LIPC: variants seen among roughly 807,000 people sequenced by gnomAD.
LIPC encodes hepatic triacylglycerol lipase.
Under a neutral mutation model 50.7 loss-of-function variants are expected in LIPC, and 44 were observed. The observed-to-expected ratio is 0.87, with a 90% CI of 0.68 to 1.11. LIPC has a LOEUF of 1.11. Among genes scored for constraint, LIPC ranks in the 50% most tolerant of loss-of-function variants. The pLI, the probability that LIPC is intolerant of heterozygous loss-of-function variation, is 0.00. For synonymous variants in LIPC, 271 were observed against 256.4 expected, an observed-to-expected ratio of 1.06 and a Z score of -0.54; for missense variants, 697 against 648.2, an observed-to-expected ratio of 1.08 and a Z score of -0.82.
chr15:58,511,641 T>TTG lies in LIPC; in HGVS notation c.89-26691_89-26690dup, dbSNP rs563096698. Among the ~76,000 whole-genome samples, 27 of 152,324 alleles carry TTG rather than the reference T, an allele frequency of 1.8e-4. No individual in the cohort carries two copies. The South Asian group carries it at 5.4e-3, about 30-fold the overall frequency. On this transcript the variant is annotated intron_variant, in intron 1 of 8. Transcript: ENST00000299022. ...TGGCGCTGACAACTGGCAATAGGTA[T>TTG]TGAGAGTCTTTTTAAAAGTTGATGT...
chr15:58,479,497 G>C (rs570847283), intron 1 of LIPC, among the ~76,000 whole-genome samples: 1 of 152,294 alleles, frequency 6.6e-6, no homozygotes, highest in East Asian at 1.9e-4. Context: ...TTGGGTCTCT[G>C]CCTGGTCCGC....
chr15:58,559,713 A>T (rs1595954473), intron 6 of LIPC, among the ~76,000 whole-genome samples: 1 of 151,866 alleles, frequency 6.6e-6, no homozygotes, highest in Non-Finnish European at 1.5e-5. Flanking sequence ...AAAAAAAAAA[A>T]AAAAAAAAAA....
Position 58,541,983 on chromosome 15 carries a change from A to T in LIPC, c.456+16A>T, listed in dbSNP as rs752031373. On this transcript the variant is annotated intron_variant, in intron 3 of 8. Transcript: ENST00000299022. ...GTGGCTGGAGGTACCGACCTGCCCC[A>T]TCCTTCCTTCACCTCCCTTCCCTCC... 1.2e-6 allele frequency: 2 copies of T among 1,601,126 alleles called. No homozygotes were observed. The highest frequency in any genetic ancestry group is 2.2e-5 in the South Asian group (2 of 89,036).
At chr15:58,433,290 C>T (rs1383310912) in intron 1 of LIPC, among the ~76,000 whole-genome samples, 1 of 152,170 alleles carries the variant, frequency 6.6e-6, no homozygotes, top group Non-Finnish European at 1.5e-5. Flanking sequence ...TGTTTGTTTA[C>T]TTTTTAATGA....
rs569036240 is a variant in LIPC, at chr15:58,469,170, T to C, written c.88+37050T>C. Among the ~76,000 whole-genome samples the C allele has an allele frequency of 7.8e-4, 119 of 151,874 alleles. 1 individual carries two copies. The South Asian group carries it at 0.023, about 29-fold the overall frequency. ...CGCCTTAAGAGACTGGATCTCACTCTGTTGCCCAGGCTGGAGTGCAGTGGC... is the reference window on the plus strand; with the variant it reads ...CGCCTTAAGAGACTGGATCTCACTCCGTTGCCCAGGCTGGAGTGCAGTGGC... On this transcript the variant is annotated intron_variant, in intron 1 of 8. Coordinates refer to ENST00000299022, the MANE Select transcript of LIPC (RefSeq NM_000236.3).
intron 1 of LIPC, among the ~76,000 whole-genome samples, chr15:58,446,460 C>T (rs1374014153): frequency 1.3e-5 from 2 of 152,192 alleles, no homozygotes; most frequent in Non-Finnish European, 2.9e-5. Context: ...TCCCAGTTGT[C>T]CCAAGATAGT....
intron 6 of LIPC, among the ~76,000 whole-genome samples, chr15:58,556,319 T>A (rs1376672987): frequency 6.6e-6 from 1 of 152,096 alleles, no homozygotes; most frequent in African/African-American, 2.4e-5. Context: ...CGAGATGGCC[T>A]TTGGGGAGAT....
chr15:58,436,911 A>G, intron 1 of LIPC: 1 of 453,258 alleles, frequency 2.2e-6, no homozygotes, highest in Non-Finnish European at 4.4e-6. Context: ...AAAAAAGACC[A>G]TCTAGGAAGA....
At chr15:58,552,161 G>T (rs536418334) in intron 6 of LIPC, among the ~76,000 whole-genome samples, 4 of 152,318 alleles carry the variant, frequency 2.6e-5, no homozygotes, top group African/African-American at 9.6e-5. Flanking sequence ...TGAGGTAACC[G>T]GGTGGAGAGG....
In LIPC at chr15:58,563,462, T is replaced by A; in HGVS notation, c.1170-43T>A. On this transcript the variant is annotated intron_variant, in intron 7 of 8. Coordinates refer to ENST00000299022, the MANE Select transcript of LIPC (RefSeq NM_000236.3). ...ATGTGTGTGACCGTCACTTTGCTGT[T>A]ACGACTAAACTGATTGTGTCTGATT... The A allele has an allele frequency of 2.0e-6, 3 of 1,515,804 alleles. No individual in the cohort carries two copies. The South Asian group carries it at 3.4e-5, about 17-fold the overall frequency. The allele number at this position is 1,515,804 out of a possible 1,614,324, so 93.9% of individuals were successfully genotyped here. A position where few individuals can be genotyped will look rare whatever the true frequency, so the allele number is the denominator to read the frequency against.
At chr15:58,565,077 A>T in intron 8 of LIPC, 1 of 923,312 alleles carries the variant, frequency 1.1e-6, no homozygotes, top group Non-Finnish European at 1.7e-6. Context: ...TGGCAGATGT[A>T]TGCCCCTGAG....
intron 1 of LIPC, among the ~76,000 whole-genome samples, chr15:58,478,760 C>T (rs1233165690): frequency 6.6e-6 from 1 of 152,198 alleles, no homozygotes; most frequent in African/African-American, 2.4e-5. Flanking sequence ...GTAACATTTA[C>T]AGAACTATAG....
intron 1 of LIPC, among the ~76,000 whole-genome samples, chr15:58,498,208 T>A (rs1334793650): frequency 6.6e-6 from 1 of 152,052 alleles, no homozygotes; most frequent in Non-Finnish European, 1.5e-5. Context: ...AAGCCAATAG[T>A]CTCCCCTATC....
At chr15:58,471,899 C>T (rs945546221) in intron 1 of LIPC, among the ~76,000 whole-genome samples, 2 of 152,152 alleles carry the variant, frequency 1.3e-5, no homozygotes, top group African/African-American at 4.8e-5. Context: ...GTGAAGCTCC[C>T]TGAGGGCAGG....
intron 6 of LIPC, among the ~76,000 whole-genome samples, chr15:58,553,946 C>T (rs1288668753): frequency 6.6e-6 from 1 of 151,494 alleles, no homozygotes; most frequent in East Asian, 1.9e-4. Context: ...GGAGAAAACA[C>T]AAGAGGTCTC....
chr15:58,462,826 G>C (rs1367452743), intron 1 of LIPC, among the ~76,000 whole-genome samples: 1 of 152,160 alleles, frequency 6.6e-6, no homozygotes, highest in East Asian at 1.9e-4. Context: ...GGCAGAGGGG[G>C]CAGGCCTGAA....
intron 1 of LIPC, among the ~76,000 whole-genome samples, chr15:58,514,220 G>A (rs889959678): frequency 3.2e-4 from 48 of 152,262 alleles, no homozygotes; most frequent in African/African-American, 9.9e-4. Context: ...CACGCTTCTC[G>A]CCCTTTCTAA....
intron 1 of LIPC, among the ~76,000 whole-genome samples, chr15:58,507,460 G>C (rs140933402): frequency 1.1e-4 from 16 of 152,292 alleles, no homozygotes; most frequent in African/African-American, 3.8e-4. Flanking sequence ...ATCTGCATAA[G>C]GTCTTGCGAC....
chr15:58,541,708 T>C, intron 2 of LIPC, 77 bp from the exon 3 acceptor site: 5 of 1,418,184 alleles, frequency 3.5e-6, no homozygotes, highest in South Asian at 1.2e-5. Flanking sequence ...TCCAGCATTA[T>C]CCAGGAGCTG....
Sources: gnomAD v4.1 joint callset for allele counts (sites outside exome capture counted in the v4.1 genomes callset) on GRCh38, gnomAD v4.1.1 for gene constraint, MANE v1.5 for transcripts, NCBI Gene and HGNC (gene_info 2026-07-23, HGNC 2026-07-21) for gene names.